Variants in LARP4B observed in about 807,000 individuals in gnomAD.
LARP4B encodes the protein la-related protein 4B.
In LARP4B, 12 loss-of-function variants were observed where a neutral mutation model predicts 89.8. That is an observed-to-expected ratio of 0.13 (90% confidence interval 0.09 to 0.22). The LOEUF (loss-of-function observed/expected upper bound fraction) is 0.22, where lower values mean the gene tolerates loss of function less well. LARP4B is among the 10% of genes least tolerant of loss of function. The pLI, the probability that LARP4B is intolerant of heterozygous loss-of-function variation, is 1.00. For synonymous variants in LARP4B, 367 were observed against 363.3 expected, an observed-to-expected ratio of 1.01 and a Z score of -0.12; for missense variants, 757 against 947.7, an observed-to-expected ratio of 0.80 and a Z score of 2.64.
At chr10:836,379 AC>A in intron 8 of LARP4B, 23 bp downstream of exon 8, 2 of 1,454,168 alleles carry the variant, frequency 1.4e-6, no homozygotes, top group Non-Finnish European at 1.9e-6. Context: ...TGTCCAAGTA[AC>A]CTTCAGAGGA....
the LARP4B span, among the ~76,000 whole-genome samples, chr10:973,669 C>G: frequency 6.6e-6 from 1 of 152,114 alleles, no homozygotes; most frequent in Non-Finnish European, 1.5e-5. Context: ...TTTTAACATA[C>G]TTCCCTGTGC....
chr10:913,396 C>T (rs1458891136), intron 1 of LARP4B, among the ~76,000 whole-genome samples: 2 of 152,194 alleles, frequency 1.3e-5, no homozygotes, highest in Admixed American at 6.5e-5. Context: ...AAAGAAAACA[C>T]AAGTGCTTAA....
chr10:923,332 C>T (rs1023949456), intron 1 of LARP4B, among the ~76,000 whole-genome samples: 3 of 152,022 alleles, frequency 2.0e-5, no homozygotes, highest in African/African-American at 7.2e-5. Flanking sequence ...ACTAGAAATC[C>T]ATTGGGGTTT....
At chr10:985,231 T>C in the LARP4B span, 1 of 152,150 alleles carries the variant, frequency 6.6e-6, no homozygotes, top group Non-Finnish European at 1.5e-5. Flanking sequence ...TTGTTAAGGT[T>C]CAACGATAAT....
At chr10:938,252 CTTTT>C in the LARP4B span, among the ~76,000 whole-genome samples, 2 of 123,436 alleles carry the variant, frequency 1.6e-5, no homozygotes, top group Admixed American at 8.3e-5. Context: ...GGTTCTTTTT[CTTTT>C]TTTTTTTTTT....
chr10:892,481 A>T (rs994536916), intron 1 of LARP4B, among the ~76,000 whole-genome samples: 3 of 152,160 alleles, frequency 2.0e-5, no homozygotes, highest in Non-Finnish European at 4.4e-5. Flanking sequence ...ATACAACACC[A>T]TCTCAAATAA....
At chr10:834,879 G>A (rs370853821) in intron 8 of LARP4B, among the ~76,000 whole-genome samples, 24 of 151,740 alleles carry the variant, frequency 1.6e-4, no homozygotes, top group Non-Finnish European at 4.4e-5. Context: ...GGCCGGGCGC[G>A]GTGGCTCACA....
the LARP4B span, among the ~76,000 whole-genome samples, chr10:954,651 C>T: frequency 1.3e-5 from 2 of 152,108 alleles, no homozygotes; most frequent in South Asian, 2.1e-4. This position sits in a 1 kb window ranked among gnomAD's most constrained non-coding sequence, Gnocchi z 5.0. Flanking sequence ...TCTGGGGGTG[C>T]GGCCGTGAGT....
At chr10:918,734 T>A (rs1836895239) in intron 1 of LARP4B, among the ~76,000 whole-genome samples, 1 of 151,882 alleles carries the variant, frequency 6.6e-6, no homozygotes, top group Admixed American at 6.6e-5. Context: ...TTCGGAAATG[T>A]AGATAACTTT....
intron 3 of LARP4B, among the ~76,000 whole-genome samples, chr10:868,877 C>A (rs1773367427): frequency 1.3e-5 from 2 of 152,188 alleles, no homozygotes; most frequent in Admixed American, 1.3e-4. Flanking sequence ...TGCTTCATTG[C>A]CCACAAAAAT....
In LARP4B at chr10:812,083, G is replaced by A. The variant is rs1359387413; in HGVS notation, c.*843C>T. On this transcript the variant is annotated 3_prime_UTR_variant, in exon 18 of 18. Coordinates refer to ENST00000316157, the MANE Select transcript of LARP4B (RefSeq NM_015155.3). Reference sequence around the variant, plus strand: ...CTCCAACCAGAGTGCTGGGGAACACGGACAGAAATGTGCACAGAGCAGGGC... The same window carrying A: ...CTCCAACCAGAGTGCTGGGGAACACAGACAGAAATGTGCACAGAGCAGGGC... 2.6e-5 allele frequency: 4 copies of A among 152,658 alleles called. No individual in the cohort carries two copies. Among genetic ancestry groups the A allele is most frequent in the African/African-American group, 7.2e-5 (3 of 41,430 alleles). The allele number at this position is 152,658 out of a possible 1,614,324, so 9.5% of individuals were successfully genotyped here.
chr10:821,987 G>A (rs992294115), intron 13 of LARP4B, among the ~76,000 whole-genome samples: 1 of 152,186 alleles, frequency 6.6e-6, no homozygotes, highest in Admixed American at 6.5e-5. Flanking sequence ...CCTTGTCCTG[G>A]ATCCATGCCT....
chr10:825,450 G>A (rs1446550136), intron 12 of LARP4B, 134 bp from the exon 13 acceptor site: 1 of 864,646 alleles, frequency 1.2e-6, no homozygotes, highest in African/African-American at 1.7e-5. Flanking sequence ...ATTTGGAATG[G>A]TTAACTCCTA....
At chr10:870,418 A>T (rs1835142618) in intron 3 of LARP4B, among the ~76,000 whole-genome samples, 1 of 152,214 alleles carries the variant, frequency 6.6e-6, no homozygotes, top group African/African-American at 2.4e-5. Flanking sequence ...CCACGGGGAC[A>T]GCGGGAATCC....
At chr10:824,029 T>A (rs900247353) in intron 13 of LARP4B, among the ~76,000 whole-genome samples, 1 of 152,134 alleles carries the variant, frequency 6.6e-6, no homozygotes, top group African/African-American at 2.4e-5. Flanking sequence ...GCACAGAGGG[T>A]GTGCACTGTG....
At chr10:963,022 C>T in the LARP4B span, among the ~76,000 whole-genome samples, 2 of 152,156 alleles carry the variant, frequency 1.3e-5, no homozygotes, top group African/African-American at 4.8e-5. Flanking sequence ...GGATGTTGCT[C>T]TCCACTCTAA....
chr10:982,278 G>C, the LARP4B span, among the ~76,000 whole-genome samples: 378 of 152,016 alleles, frequency 2.5e-3, 2 homozygotes, highest in African/African-American at 8.8e-3. Context: ...TTTTAGTAGA[G>C]ATGGAGTTTT....
rs549095236 is a variant in LARP4B at position 909,039 on chromosome 10, A to C, written c.-40+22389T>G. 3.9e-4 allele frequency among the ~76,000 whole-genome samples: 60 copies of C among 152,294 alleles called. No homozygotes were observed. In the South Asian group the frequency reaches 0.012, roughly 31 times the overall value. On this transcript the variant is annotated intron_variant, in intron 1 of 17. Coordinates refer to ENST00000316157, the MANE Select transcript of LARP4B (RefSeq NM_015155.3). ...GCCAGGCGCGGTGGCTCATGCCTGT[A>C]ATCCCAGCACTTTGGGAGGCTGAGG...
intron 1 of LARP4B, among the ~76,000 whole-genome samples, chr10:892,872 G>A (rs920088993): frequency 2.0e-5 from 3 of 147,952 alleles, no homozygotes; most frequent in African/African-American, 7.5e-5. Context: ...AGCTATTTAC[G>A]CAGAAAACCC....
Sources: gnomAD v4.1 joint callset for allele counts (sites outside exome capture counted in the v4.1 genomes callset) on GRCh38, gnomAD v4.1.1 for gene constraint, Gnocchi (gnomAD v3.1) non-coding constraint, MANE v1.5 for transcripts, NCBI Gene and HGNC (gene_info 2026-07-23, HGNC 2026-07-21) for gene names.